IMPACT: variants seen among roughly 807,000 people sequenced by gnomAD.
The protein encoded by IMPACT is impact RWD domain protein.
In IMPACT, 35 loss-of-function variants were observed where a neutral mutation model predicts 47.5. The observed-to-expected ratio is 0.74, with a 90% CI of 0.56 to 0.98. The LOEUF (loss-of-function observed/expected upper bound fraction) is 0.98. Among genes scored for constraint, IMPACT ranks in the 50% least tolerant of loss-of-function variants. IMPACT has a pLI of 0.00. For missense variants in IMPACT, 373 were observed against 394.8 expected, an observed-to-expected ratio of 0.94 and a Z score of 0.47; for synonymous variants, 118 against 125.6, an observed-to-expected ratio of 0.94 and a Z score of 0.40.
rs1301042993 is a variant in IMPACT, at chr18:24,438,013, A to T, written c.340A>T (p.Ile114Leu). ...LWVEKIRDVL[I>L]QKSQMTEPGP... ...GGTGGAGAAAATAAGAGATGTTCTT[A>T]TACAAAAATCTCAGATGACAGAACC... is the stretch of plus-strand genomic sequence containing the variant. The change falls in exon 5 of 11, where the codon ATA becomes TTA. Residue 114 changes from isoleucine (I) to leucine (L), a missense_variant. Physicochemically the swap from Ile to Leu is conservative, Grantham distance 5. Transcript: ENST00000284202. 1 of 1,573,098 alleles carries T rather than the reference A, an allele frequency of 6.4e-7. No homozygotes were observed. The highest frequency in any genetic ancestry group is 1.4e-5 in the African/African-American group (1 of 73,842).
Position 24,452,032 on chromosome 18 carries a change from A to G in IMPACT, c.*1185A>G, listed in dbSNP as rs1218605665. Reference sequence around the variant, plus strand: ...CAGATGTAATGGCAAACAATTGTTAAAAGTTATTAACTGATCACAGATTTG... The same window carrying G: ...CAGATGTAATGGCAAACAATTGTTAGAAGTTATTAACTGATCACAGATTTG... On this transcript the variant is annotated 3_prime_UTR_variant, in exon 11 of 11. Coordinates refer to ENST00000284202, the MANE Select transcript of IMPACT (RefSeq NM_018439.4). 1 of 152,230 alleles carries G rather than the reference A, an allele frequency of 6.6e-6. No individual in the cohort carries two copies. Among genetic ancestry groups the G allele is most frequent in the Non-Finnish European group, 1.5e-5 (1 of 68,038 alleles). 9.4% of individuals were successfully genotyped at this position (152,230 alleles called of 1,614,324 possible).
chr18:24,430,207 C>A, intron 3 of IMPACT, 115 bp from the exon 4 acceptor site: 3 of 599,386 alleles, frequency 5.0e-6, no homozygotes, highest in Non-Finnish European at 8.5e-6. Context: ...AAATATAAGA[C>A]CATTTATGAA....
intron 1 of IMPACT, 115 bp from the exon 2 acceptor site, chr18:24,427,804 C>T: frequency 1.0e-6 from 1 of 994,684 alleles, no homozygotes; most frequent in Non-Finnish European, 1.5e-6. Context: ...TGAGGCTCAT[C>T]TAGGAATTTT....
At chr18:24,443,019 T>A in intron 6 of IMPACT, 30 bp from the exon 7 acceptor site, 1 of 1,260,710 alleles carries the variant, frequency 7.9e-7, no homozygotes, top group Admixed American at 1.9e-5. Flanking sequence ...TAAGGCTTTT[T>A]AAAAAATAAA....
intron 7 of IMPACT, 55 bp downstream of exon 7, chr18:24,443,207 T>TG: frequency 1.2e-6 from 1 of 813,262 alleles, no homozygotes; most frequent in Non-Finnish European, 2.0e-6. Flanking sequence ...TTCAGGTAAA[T>TG]GATTTTGCAA....
chr18:24,436,723 AT>A (rs955075706), intron 4 of IMPACT, among the ~76,000 whole-genome samples: 1 of 150,384 alleles, frequency 6.6e-6, no homozygotes, highest in Non-Finnish European at 1.5e-5. Flanking sequence ...TAATTTTTGT[AT>A]TTTTTTTGTA....
At chr18:24,427,724 T>TG (rs1432891973) in intron 1 of IMPACT, 195 bp from the exon 2 acceptor site, 1 of 539,932 alleles carries the variant, frequency 1.9e-6, no homozygotes, top group Non-Finnish European at 3.2e-6. Flanking sequence ...CTCCAGTCAT[T>TG]GCAGTAGCGC....
At chr18:24,428,363 TA>T (rs1175791272) in intron 2 of IMPACT, among the ~76,000 whole-genome samples, 1 of 152,222 alleles carries the variant, frequency 6.6e-6, no homozygotes, top group African/African-American at 2.4e-5. Context: ...GGCTAACATT[TA>T]AAAGGAAAGA....
chr18:24,433,982 C>T (rs1455968197), intron 4 of IMPACT, among the ~76,000 whole-genome samples: 3 of 151,994 alleles, frequency 2.0e-5, no homozygotes, highest in Non-Finnish European at 4.4e-5. Context: ...TTTGTGACAA[C>T]TTTTAATCAT....
chr18:24,450,703 T>C (rs1397254168), intron 10 of IMPACT, 76 bp from the exon 11 acceptor site: 1 of 892,890 alleles, frequency 1.1e-6, no homozygotes, highest in African/African-American at 1.7e-5. Context: ...TGTGTAAATA[T>C]ATTCTAAGTG....
At chr18:24,429,595 C>G (rs1406252482) in intron 3 of IMPACT, 1 of 151,600 alleles carries the variant, frequency 6.6e-6, no homozygotes, top group East Asian at 1.9e-4. Context: ...CACTGCTTCA[C>G]TTAATTAGCC....
At chr18:24,437,459 C>G (rs1245952642) in intron 4 of IMPACT, among the ~76,000 whole-genome samples, 7 of 152,116 alleles carry the variant, frequency 4.6e-5, no homozygotes, top group African/African-American at 1.7e-4. Context: ...GTTGAATTGT[C>G]TTTTAGGTCT....
In IMPACT at chr18:24,452,616, A is replaced by C. The variant is rs1383840684; in HGVS notation, c.*1769A>C. ...TGGCTGGTAAGAGGGAGAGATGCAA[A>C]ATTCTCCAGCTCTGAACTTGGAGCT... On this transcript the variant is annotated 3_prime_UTR_variant, in exon 11 of 11. Transcript: ENST00000284202. 5 of 152,064 alleles carry C rather than the reference A, an allele frequency of 3.3e-5. No individual in the cohort carries two copies. The highest frequency in any genetic ancestry group is 5.9e-5 in the Non-Finnish European group (4 of 68,012). 9.4% of individuals were successfully genotyped at this position (152,064 alleles called of 1,614,324 possible).
In IMPACT at chr18:24,440,618, G is replaced by A. The variant is rs1909083257; in HGVS notation, c.490G>A (p.Glu164Lys). ...LDFDISETRT[E>K]VEVEELPPID... is the part of the protein sequence containing the mutation. Reference sequence around the variant, plus strand: ...TTTTGATATCAGTGAAACTCGGACAGGTATAATGTTACTAACTAATTTCTT... The same window carrying A: ...TTTTGATATCAGTGAAACTCGGACAAGTATAATGTTACTAACTAATTTCTT... The change falls in exon 6 of 11, where the codon GAA (glutamate) becomes AAA (lysine). Residue 164 changes from glutamate (E) to lysine (K), a missense_variant and splice_region_variant. Physicochemically the swap from Glu to Lys is moderately conservative, Grantham distance 56. Transcript: ENST00000284202. The A allele has an allele frequency of 1.9e-6, 3 of 1,605,024 alleles. No individual in the cohort carries two copies. The South Asian group carries it at 3.4e-5, about 18-fold the overall frequency.
At chr18:24,447,031 A>G (rs1166152028) in intron 8 of IMPACT, among the ~76,000 whole-genome samples, 1 of 152,224 alleles carries the variant, frequency 6.6e-6, no homozygotes, top group Non-Finnish European at 1.5e-5. Context: ...TCACTCCTCT[A>G]TGGCTGTGGC....
At chr18:24,449,210 A>G (rs984419039) in intron 9 of IMPACT, among the ~76,000 whole-genome samples, 2 of 152,142 alleles carry the variant, frequency 1.3e-5, no homozygotes, top group Non-Finnish European at 2.9e-5. Flanking sequence ...AAAAAACACA[A>G]AAATTAGCTG....
chr18:24,428,542 A>G (rs1353936362), intron 2 of IMPACT, among the ~76,000 whole-genome samples: 1 of 152,250 alleles, frequency 6.6e-6, no homozygotes, highest in African/African-American at 2.4e-5. Context: ...TTCAACATAA[A>G]GGATGCAAAA....
chr18:24,448,785 C>T (rs1220586183), intron 9 of IMPACT, among the ~76,000 whole-genome samples: 2 of 151,888 alleles, frequency 1.3e-5, no homozygotes, highest in Non-Finnish European at 2.9e-5. Flanking sequence ...TTAAGATGTT[C>T]TCACCCCTAA....
chr18:24,434,275 A>G (rs545361431), intron 4 of IMPACT, among the ~76,000 whole-genome samples: 2 of 152,122 alleles, frequency 1.3e-5, no homozygotes, highest in South Asian at 2.1e-4. Flanking sequence ...ACTGGAGTCC[A>G]GGAGGTCGAG....
Sources: gnomAD v4.1 joint callset for allele counts (sites outside exome capture counted in the v4.1 genomes callset) on GRCh38, gnomAD v4.1.1 for gene constraint, MANE v1.5 for transcripts, NCBI Gene and HGNC (gene_info 2026-07-23, HGNC 2026-07-21) for gene names.